Variants in TCF12 observed in about 807,000 individuals in gnomAD.
The protein encoded by TCF12 is transcription factor 12.
In TCF12, 45 loss-of-function variants were observed where a neutral mutation model predicts 86.0. The ratio of observed to expected loss-of-function variants is 0.52; its 90% CI spans 0.41 to 0.67. The LOEUF (loss-of-function observed/expected upper bound fraction) is 0.67, where lower values mean the gene tolerates loss of function less well. Ranked by LOEUF, TCF12 falls within the 30% of genes least tolerant of loss-of-function variation. TCF12 has a pLI of 0.00. For missense variants in TCF12, 881 were observed against 859.9 expected, an observed-to-expected ratio of 1.02 and a Z score of -0.31; for synonymous variants, 330 against 299.6, an observed-to-expected ratio of 1.10 and a Z score of -1.05.
chr15:57,244,692 T>C (rs1410839472), intron 13 of TCF12, among the ~76,000 whole-genome samples: 1 of 151,896 alleles, frequency 6.6e-6, no homozygotes, highest in Non-Finnish European at 1.5e-5. Flanking sequence ...AACTCGTGAC[T>C]TCAAGTGATC....
intron 5 of TCF12, among the ~76,000 whole-genome samples, chr15:57,144,750 C>G (rs1370093499): frequency 6.6e-6 from 1 of 152,132 alleles, no homozygotes; most frequent in Non-Finnish European, 1.5e-5. Context: ...AGTCACACAT[C>G]ATCATGCCCA....
intron 8 of TCF12, among the ~76,000 whole-genome samples, chr15:57,201,709 A>G (rs1228618724): frequency 2.6e-5 from 4 of 152,154 alleles, no homozygotes; most frequent in Non-Finnish European, 4.4e-5. Flanking sequence ...TAGTTGTTAA[A>G]GTTTTATCTG....
intron 4 of TCF12, among the ~76,000 whole-genome samples, chr15:57,069,548 A>G (rs2069186218): frequency 6.6e-6 from 1 of 152,168 alleles, no homozygotes; most frequent in Admixed American, 6.5e-5. Flanking sequence ...TGCATTGGTT[A>G]TATATGTTCT....
At chr15:57,033,485 A>G (rs1239412003) in intron 3 of TCF12, among the ~76,000 whole-genome samples, 1 of 152,154 alleles carries the variant, frequency 6.6e-6, no homozygotes, top group Non-Finnish European at 1.5e-5. Flanking sequence ...TGTTTTCCCC[A>G]CATTATTGTC....
chr15:57,123,310 A>T (rs2051369954), intron 5 of TCF12, among the ~76,000 whole-genome samples: 1 of 152,214 alleles, frequency 6.6e-6, no homozygotes, highest in South Asian at 2.1e-4. Flanking sequence ...CTTTATTTTG[A>T]AGCTGAAACC....
intron 3 of TCF12, among the ~76,000 whole-genome samples, chr15:56,963,362 C>T (rs1199391557): frequency 6.6e-6 from 1 of 152,072 alleles, no homozygotes; most frequent in African/African-American, 2.4e-5. Flanking sequence ...TTAGCAGATA[C>T]GTTCTTTATG....
At chr15:57,114,380 T>G (rs1276490171) in intron 5 of TCF12, among the ~76,000 whole-genome samples, 2 of 152,184 alleles carry the variant, frequency 1.3e-5, no homozygotes, top group African/African-American at 4.8e-5. Context: ...AGCCTTGGCC[T>G]CCTGCGCTCA....
At chr15:57,086,583 A>G (rs574104089) in intron 4 of TCF12, among the ~76,000 whole-genome samples, 46 of 152,128 alleles carry the variant, frequency 3.0e-4, no homozygotes, top group African/African-American at 9.9e-4. Flanking sequence ...GAGCCGTGCA[A>G]TGATGGAGTG....
chr15:57,243,421 A>G (rs970277654), intron 12 of TCF12, 51 bp from the exon 13 acceptor site: 2 of 1,452,980 alleles, frequency 1.4e-6, no homozygotes, highest in Non-Finnish European at 1.9e-6. Flanking sequence ...GGATTTGTGT[A>G]TGTGCTGTTG....
intron 16 of TCF12, 48 bp downstream of exon 16, chr15:57,253,516 C>T: frequency 6.3e-7 from 1 of 1,586,258 alleles, no homozygotes; most frequent in African/African-American, 1.3e-5. Flanking sequence ...AGATTCTTGT[C>T]CTAAATGTCT....
chr15:57,128,041 A>G (rs1238339520), intron 5 of TCF12, among the ~76,000 whole-genome samples: 3 of 152,092 alleles, frequency 2.0e-5, no homozygotes, highest in African/African-American at 7.2e-5. Context: ...TCCTGAGATG[A>G]TCCATGACTG....
At position 57,241,270 on chromosome 15, in the gene TCF12, C is replaced by G. The variant is rs113563146; in HGVS notation, c.1036-2202C>G. ...CCACGCCCGACTAATTTTTGTATGTCTAGTAGAGACGGGGTTTCAGCATGT... is the reference window on the plus strand; with the variant it reads ...CCACGCCCGACTAATTTTTGTATGTGTAGTAGAGACGGGGTTTCAGCATGT... On this transcript the variant is annotated intron_variant, in intron 12 of 20. Transcript: ENST00000333725. 8.8e-4 allele frequency among the ~76,000 whole-genome samples: 133 copies of G among 151,942 alleles called. 4 individuals carry two copies. The highest frequency in any genetic ancestry group is 3.2e-3 in the African/African-American group (131 of 41,462).
intron 5 of TCF12, among the ~76,000 whole-genome samples, chr15:57,108,352 TAGAA>T (rs757640358): frequency 6.6e-6 from 1 of 152,144 alleles, no homozygotes; most frequent in Non-Finnish European, 1.5e-5. Context: ...AGAGGCAAGA[TAGAA>T]AGACACAAAA....
intron 3 of TCF12, among the ~76,000 whole-genome samples, chr15:56,992,442 C>T (rs2063503272): frequency 1.3e-5 from 2 of 152,240 alleles, no homozygotes; most frequent in Admixed American, 1.3e-4. Context: ...GATTAAGGGT[C>T]ATTCTTCTGA....
At chr15:57,170,115 T>G (rs570654339) in intron 6 of TCF12, among the ~76,000 whole-genome samples, 3 of 152,166 alleles carry the variant, frequency 2.0e-5, no homozygotes, top group Non-Finnish European at 4.4e-5. Flanking sequence ...GGTATTATGC[T>G]TAAGGCTACA....
intron 12 of TCF12, among the ~76,000 whole-genome samples, chr15:57,237,352 G>T (rs1236872444): frequency 6.6e-6 from 1 of 151,958 alleles, no homozygotes; most frequent in African/African-American, 2.4e-5. Flanking sequence ...TAAAAAATTG[G>T]GCTCACAGTT....
intron 5 of TCF12, among the ~76,000 whole-genome samples, chr15:57,137,187 G>A (rs1161586321): frequency 1.3e-5 from 2 of 151,832 alleles, no homozygotes; most frequent in Non-Finnish European, 2.9e-5. Flanking sequence ...CACCGCATTA[G>A]CCAGTCTCAA....
chr15:57,052,124 AT>A (rs1320751507), intron 3 of TCF12, among the ~76,000 whole-genome samples: 1 of 152,200 alleles, frequency 6.6e-6, no homozygotes, highest in Non-Finnish European at 1.5e-5. Flanking sequence ...CATGACATTA[AT>A]TTTTGCTTAC....
chr15:57,000,196 A>G (rs1376135662), intron 3 of TCF12, among the ~76,000 whole-genome samples: 1 of 152,124 alleles, frequency 6.6e-6, no homozygotes, highest in Non-Finnish European at 1.5e-5. Flanking sequence ...AATTTTAAAG[A>G]CAGGATCTCT....
Sources: allele counts gnomAD v4.1 joint callset (sites outside exome capture counted in the v4.1 genomes callset), GRCh38; gene constraint gnomAD v4.1.1; transcripts MANE v1.5; gene names NCBI Gene and HGNC (gene_info 2026-07-23, HGNC 2026-07-21).